Variants in KCNN2 observed in about 807,000 individuals in gnomAD.
The protein encoded by KCNN2 is small conductance calcium-activated potassium channel protein 2.
Under a neutral mutation model 55.5 loss-of-function variants are expected in KCNN2, and 24 were observed. That is an observed-to-expected ratio of 0.43 (90% confidence interval 0.31 to 0.61). KCNN2 has a LOEUF of 0.61. Among genes scored for constraint, KCNN2 ranks in the 20% least tolerant of loss-of-function variants. The probability of loss-of-function intolerance (pLI) is 0.08; values close to 1 mark genes in which losing one functional copy is unlikely to be tolerated. For synonymous variants in KCNN2, 431 were observed against 336.1 expected (o/e 1.28, Z -3.09); for missense variants, 754 against 853.6 (o/e 0.88, Z 1.45).
rs1205127407 is a variant in KCNN2, at chr5:114,056,342, C to G, written c.-429C>G. The G allele has an allele frequency of 1.3e-5, 5 of 398,502 alleles. No individual in the cohort carries two copies. In the East Asian group the frequency reaches 1.8e-4, roughly 14 times the overall value. The allele number at this position is 398,502 out of a possible 1,614,324, so 24.7% of individuals were successfully genotyped here. A position where few individuals can be genotyped will look rare whatever the true frequency, so the allele number is the denominator to read the frequency against. ...ATGGTCCTGGCTAGGACTCCTGATT[C>G]TTCTCAGATGGAAACAGTTTCTCCC... On this transcript the variant is annotated 5_prime_UTR_variant, in exon 1 of 11. Coordinates refer to the KCNN2 transcript ENST00000512097.
chr5:114,420,815 C>T lies in KCNN2; in HGVS notation c.1637+15959C>T, dbSNP rs146665169. On this transcript the variant is annotated intron_variant, in intron 3 of 7. Coordinates refer to ENST00000673685, the MANE Select transcript of KCNN2 (RefSeq NM_021614.4). Reference sequence around the variant, plus strand: ...GATGGTAGCTTTCCTCTCCCCACTTCTTCATGCTATTTGATCCTTCAGACA... The same window carrying T: ...GATGGTAGCTTTCCTCTCCCCACTTTTTCATGCTATTTGATCCTTCAGACA... 4.8e-4 allele frequency among the ~76,000 whole-genome samples: 73 copies of T among 152,330 alleles called. 1 individual carries two copies. Among genetic ancestry groups the T allele is most frequent in the African/African-American group, 1.7e-3 (69 of 41,580 alleles).
At chr5:114,112,625 T>C (rs190343951) in intron 1 of KCNN2, among the ~76,000 whole-genome samples, 1 of 152,060 alleles carries the variant, frequency 6.6e-6, no homozygotes, top group Non-Finnish European at 1.5e-5. Flanking sequence ...GTATATAAAC[T>C]GAATAAAGCA....
At chr5:114,444,562 T>C (rs570278084) in intron 3 of KCNN2, among the ~76,000 whole-genome samples, 22 of 152,084 alleles carry the variant, frequency 1.4e-4, no homozygotes, top group African/African-American at 5.3e-4. Flanking sequence ...TTTGAGAATG[T>C]TTGAAAGTGG....
In KCNN2 at chr5:114,068,713, A is replaced by G. The variant is rs139741988; in HGVS notation, c.-271+12213A>G. On this transcript the variant is annotated intron_variant, in intron 1 of 10. Coordinates refer to the KCNN2 transcript ENST00000512097. Reference sequence around the variant, plus strand: ...GTGAACTTAATGCATCATGGAGTAGACATTGACCAAGGAAAGATAGGAGAG... The same window carrying G: ...GTGAACTTAATGCATCATGGAGTAGGCATTGACCAAGGAAAGATAGGAGAG... Among the ~76,000 whole-genome samples, 3 of 152,360 alleles carry G rather than the reference A, an allele frequency of 2.0e-5. No individual in the cohort carries two copies. The East Asian group carries it at 5.8e-4, about 29-fold the overall frequency.
At chr5:114,364,033 C>T (rs1400301350) in intron 2 of KCNN2, 32 bp downstream of exon 2, 3 of 1,480,676 alleles carry the variant, frequency 2.0e-6, no homozygotes, top group Non-Finnish European at 2.8e-6. Flanking sequence ...ATGAATGACC[C>T]AAAGCCCTAC....
intron 1 of KCNN2, among the ~76,000 whole-genome samples, chr5:114,195,409 T>G (rs1379054307): frequency 6.6e-6 from 1 of 152,022 alleles, no homozygotes; most frequent in African/African-American, 2.4e-5. Context: ...ACATTCTTTA[T>G]AAGATGTGTA....
chr5:114,484,284 G>C (rs974681549), intron 5 of KCNN2, among the ~76,000 whole-genome samples: 2 of 152,010 alleles, frequency 1.3e-5, no homozygotes, highest in Non-Finnish European at 2.9e-5. Context: ...TATATGGCAG[G>C]GTTCTTGACT....
chr5:114,417,921 G>C (rs1759357217), intron 3 of KCNN2, among the ~76,000 whole-genome samples: 1 of 152,188 alleles, frequency 6.6e-6, no homozygotes, highest in Admixed American at 6.5e-5. Context: ...ATCTGGGTCA[G>C]ATAAAACCTT....
chr5:114,443,299 A>G (rs1260218564), intron 3 of KCNN2, among the ~76,000 whole-genome samples: 1 of 152,022 alleles, frequency 6.6e-6, no homozygotes, highest in Non-Finnish European at 1.5e-5. Context: ...AAAAAAAAAG[A>G]AACAAAGAAA....
intron 3 of KCNN2, among the ~76,000 whole-genome samples, chr5:114,427,343 G>T (rs1411442743): frequency 1.3e-5 from 2 of 152,236 alleles, no homozygotes; most frequent in Non-Finnish European, 2.9e-5. Flanking sequence ...AAGAAGACAA[G>T]GGAGGAACAT....
At chr5:114,167,882 T>G (rs920978099) in intron 1 of KCNN2, among the ~76,000 whole-genome samples, 1 of 152,070 alleles carries the variant, frequency 6.6e-6, no homozygotes, top group Non-Finnish European at 1.5e-5. Flanking sequence ...CAGATCAATG[T>G]GTAAGTTTTA....
intron 5 of KCNN2, among the ~76,000 whole-genome samples, chr5:114,474,644 T>C (rs565220449): frequency 6.6e-6 from 1 of 152,282 alleles, no homozygotes; most frequent in South Asian, 2.1e-4. Context: ...GAGCAGATGT[T>C]TTGTGTATTT....
intron 1 of KCNN2, among the ~76,000 whole-genome samples, chr5:114,126,242 G>T (rs896975461): frequency 2.6e-5 from 4 of 152,008 alleles, no homozygotes; most frequent in African/African-American, 4.8e-5. Flanking sequence ...GCTGAATAAG[G>T]TCACTATATT....
chr5:114,211,781 A>G (rs577265701), intron 1 of KCNN2, among the ~76,000 whole-genome samples: 1 of 152,172 alleles, frequency 6.6e-6, no homozygotes, highest in South Asian at 2.1e-4. Flanking sequence ...TATAGACAGA[A>G]AAAGGTTGCA....
chr5:114,380,579 C>G lies in KCNN2; in HGVS notation c.1218+16578C>G, dbSNP rs1561597173. Among the ~76,000 whole-genome samples the G allele has an allele frequency of 2.0e-5, 3 of 152,210 alleles. No individual in the cohort carries two copies. The East Asian group carries it at 5.8e-4, about 29-fold the overall frequency. On this transcript the variant is annotated intron_variant, in intron 2 of 7. Coordinates refer to ENST00000673685, the MANE Select transcript of KCNN2 (RefSeq NM_021614.4). The stretch of plus-strand genomic sequence containing the variant: ...GTAATAAGGCCCATCTCATGAGCTA[C>G]TGTGAGAATTCTACTATACTTAGTC...
chr5:114,478,963 A>G (rs1762098543), intron 5 of KCNN2, among the ~76,000 whole-genome samples: 1 of 152,210 alleles, frequency 6.6e-6, no homozygotes. Context: ...TACATAGACC[A>G]CTGACACTAT....
At chr5:114,156,136 G>C (rs1371095434) in intron 1 of KCNN2, among the ~76,000 whole-genome samples, 1 of 152,116 alleles carries the variant, frequency 6.6e-6, no homozygotes. Flanking sequence ...TTATTGAATA[G>C]GGAATCTTTT....
At chr5:114,099,678 A>G (rs925116857) in intron 1 of KCNN2, among the ~76,000 whole-genome samples, 26 of 152,196 alleles carry the variant, frequency 1.7e-4, no homozygotes, top group African/African-American at 5.3e-4. Flanking sequence ...GTTCATTGGC[A>G]ATTGTGCTAT....
intron 1 of KCNN2, among the ~76,000 whole-genome samples, chr5:114,072,451 G>T (rs1317381122): frequency 6.6e-6 from 1 of 152,010 alleles, no homozygotes; most frequent in Non-Finnish European, 1.5e-5. Flanking sequence ...TGCATAAAAT[G>T]GCAGGTAAGA....
Sources: allele counts gnomAD v4.1 joint callset (sites outside exome capture counted in the v4.1 genomes callset), GRCh38; gene constraint gnomAD v4.1.1; transcripts MANE v1.5; gene names NCBI Gene and HGNC (gene_info 2026-07-23, HGNC 2026-07-21).